MCTP2: variants seen among roughly 807,000 people sequenced by gnomAD.
MCTP2 encodes the protein multiple C2 and transmembrane domain-containing protein 2.
MCTP2 carries 132 observed loss-of-function variants against 111.6 expected under a neutral mutation model. The observed-to-expected ratio is 1.18, with a 90% confidence interval of 1.03 to 1.37. The LOEUF is 1.37. Among genes scored for constraint, MCTP2 ranks in the 40% most tolerant of loss-of-function variants. The pLI is 0.00. For synonymous variants in MCTP2, 395 were observed against 387.7 expected (o/e 1.02, Z -0.22); for missense variants, 1,183 against 1,067.9 (o/e 1.11, Z -1.50).
chr15:94,480,022 A>G lies in MCTP2; in HGVS notation c.*988A>G, dbSNP rs1268795469. The G allele has an allele frequency of 3.3e-5, 5 of 152,202 alleles. No homozygotes were observed. The highest frequency in any genetic ancestry group is 7.3e-5 in the Non-Finnish European group (5 of 68,034). The allele number at this position is 152,202 out of a possible 1,614,324, so 9.4% of individuals were successfully genotyped here. A position where few individuals can be genotyped will look rare whatever the true frequency, so the allele number is the denominator to read the frequency against. On this transcript the variant is annotated 3_prime_UTR_variant, in exon 23 of 23. Coordinates refer to ENST00000357742, the MANE Select transcript of MCTP2 (RefSeq NM_001385001.1). ...TGTATCTTTTGTTCCTCTTAGAAGT[A>G]AAATAAGCTACATACAATAAAAATT... is the stretch of plus-strand genomic sequence containing the variant.
chr15:94,268,609 C>T (rs117803235), intron 1 of MCTP2, among the ~76,000 whole-genome samples: 1,652 of 152,164 alleles, frequency 0.011, 19 homozygotes, highest in Non-Finnish European at 0.016. Flanking sequence ...ATGTGATTAA[C>T]ACCTCATTAA....
At chr15:94,310,539 T>A (rs771385177) in intron 2 of MCTP2, among the ~76,000 whole-genome samples, 20 of 152,160 alleles carry the variant, frequency 1.3e-4, no homozygotes, top group Non-Finnish European at 2.5e-4. Context: ...GTAATTCTAG[T>A]GCTTTGTGGG....
intron 17 of MCTP2, among the ~76,000 whole-genome samples, chr15:94,415,496 A>G (rs1039780755): frequency 1.3e-5 from 2 of 152,150 alleles, no homozygotes; most frequent in Admixed American, 1.3e-4. Context: ...CCAAGGCTTC[A>G]CTTTGACTTT....
chr15:94,286,558 A>G (rs2074765736), intron 1 of MCTP2, among the ~76,000 whole-genome samples: 1 of 152,202 alleles, frequency 6.6e-6, no homozygotes, highest in South Asian at 2.1e-4. Flanking sequence ...TTTGAGAAAC[A>G]ATCCGAGTCA....
chr15:94,251,741 CTCT>C (rs1445887424), intron 1 of MCTP2, among the ~76,000 whole-genome samples: 1 of 152,154 alleles, frequency 6.6e-6, no homozygotes, highest in African/African-American at 2.4e-5. Context: ...GTCTCCTGAA[CTCT>C]TCATTTTGTG....
intron 20 of MCTP2, among the ~76,000 whole-genome samples, chr15:94,466,036 G>GTCC (rs1475844853): frequency 2.6e-5 from 4 of 152,028 alleles, no homozygotes; most frequent in Non-Finnish European, 5.9e-5. Flanking sequence ...TTAAAATCCT[G>GTCC]TCCAATTCAT....
chr15:94,245,406 A>G (rs376259665), intron 1 of MCTP2, among the ~76,000 whole-genome samples: 14 of 52,328 alleles, frequency 2.7e-4, no homozygotes, highest in African/African-American at 3.9e-4. Context: ...ATGTGTGTAT[A>G]TATTTATATA....
chr15:94,248,816 C>G lies in MCTP2; in HGVS notation c.-66+17152C>G, dbSNP rs1292382703. Among the ~76,000 whole-genome samples, 12 of 152,146 alleles carry G rather than the reference C, an allele frequency of 7.9e-5. No individual in the cohort carries two copies. In the South Asian group the frequency reaches 1.2e-3, roughly 16 times the overall value. Reference sequence around the variant, plus strand: ...AATCAAGAACCCTTCCTGCTCAGTCCGTGGAAACTTACCCAGTGGTGTAAA... The same window carrying G: ...AATCAAGAACCCTTCCTGCTCAGTCGGTGGAAACTTACCCAGTGGTGTAAA... On this transcript the variant is annotated intron_variant, in intron 1 of 22. Transcript: ENST00000357742.
chr15:94,370,983 C>T (rs2079453278), intron 12 of MCTP2, among the ~76,000 whole-genome samples: 1 of 152,036 alleles, frequency 6.6e-6, no homozygotes, highest in African/African-American at 2.4e-5. Flanking sequence ...CTTTTTCTTC[C>T]TTTCAGACAG....
intron 17 of MCTP2, among the ~76,000 whole-genome samples, chr15:94,423,639 G>T (rs1021287941): frequency 6.6e-6 from 1 of 152,156 alleles, no homozygotes; most frequent in Non-Finnish European, 1.5e-5. Flanking sequence ...AAGGCAAAAT[G>T]GGGGCTTGAA....
At chr15:94,303,551 A>G (rs772731757) in intron 2 of MCTP2, among the ~76,000 whole-genome samples, 1 of 152,166 alleles carries the variant, frequency 6.6e-6, no homozygotes, top group Non-Finnish European at 1.5e-5. Context: ...GTTGACATTC[A>G]GTATTAACTA....
At chr15:94,280,117 G>A (rs1399015099) in intron 1 of MCTP2, among the ~76,000 whole-genome samples, 1 of 152,018 alleles carries the variant, frequency 6.6e-6, no homozygotes, top group African/African-American at 2.4e-5. Context: ...AATGAGTTAG[G>A]GAGGAATCAC....
intron 17 of MCTP2, among the ~76,000 whole-genome samples, chr15:94,420,537 GT>G (rs1372051177): frequency 1.3e-5 from 2 of 152,150 alleles, no homozygotes; most frequent in Admixed American, 1.3e-4. Flanking sequence ...ATTAACACGA[GT>G]TTAGAAGGAG....
In MCTP2 at chr15:94,298,604, C is replaced by T. The variant is rs756701517; in HGVS notation, c.339C>T (p.Leu113=). 1 of 1,614,072 alleles carries T rather than the reference C, an allele frequency of 6.2e-7. No homozygotes were observed. The highest frequency in any genetic ancestry group is 8.5e-7 in the Non-Finnish European group (1 of 1,179,998). ...GGAGCCAGGAAGAAGCCAGTCACCT[C>T]CATGTGGTGGAAACAGACTCAGAGG... The part of the protein sequence containing the change: ...LDWSQEEASH[L]HVVETDSEEA... Residue 113 remains leucine (L), a synonymous_variant, in exon 2 of 23, where the codon CTC becomes CTT. Coordinates refer to ENST00000357742, the MANE Select transcript of MCTP2 (RefSeq NM_001385001.1).
chr15:94,250,919 C>T (rs138608941), intron 1 of MCTP2, among the ~76,000 whole-genome samples: 2 of 152,246 alleles, frequency 1.3e-5, no homozygotes, highest in African/African-American at 4.8e-5. Context: ...TCCTCATAGT[C>T]AAGTTTAAGA....
At chr15:94,401,623 C>T (rs2081593608) in intron 16 of MCTP2, among the ~76,000 whole-genome samples, 1 of 152,182 alleles carries the variant, frequency 6.6e-6, no homozygotes, top group South Asian at 2.1e-4. Flanking sequence ...TACCTGGCTT[C>T]TGCAGTTTCA....
In MCTP2 at chr15:94,345,168, AAT is replaced by A. The variant is rs866423564; in HGVS notation, c.1005+8_1005+9del. On this transcript the variant is annotated splice_donor_5th_base_variant and intron_variant, in intron 8 of 22. Transcript: ENST00000357742. ...GAAGCGATTAAGTGCCAGCAAGGTA[AAT>A]ATACTTTTTTTTCCTTTAGATCATT... 1 of 1,611,540 alleles carries A rather than the reference AAT, an allele frequency of 6.2e-7. No homozygotes were observed. Among genetic ancestry groups the A allele is most frequent in the African/African-American group, 1.3e-5 (1 of 74,860 alleles).
intron 9 of MCTP2, among the ~76,000 whole-genome samples, chr15:94,356,650 C>T (rs1168800567): frequency 6.6e-6 from 1 of 152,010 alleles, no homozygotes; most frequent in Non-Finnish European, 1.5e-5. Flanking sequence ...AATAGAATAG[C>T]ATAATACGTG....
intron 21 of MCTP2, among the ~76,000 whole-genome samples, chr15:94,473,618 T>C (rs535353111): frequency 3.2e-4 from 48 of 152,238 alleles, no homozygotes; most frequent in Non-Finnish European, 6.5e-4. Flanking sequence ...TTTTCACTTC[T>C]AGTTGAAACC....
Sources: gnomAD v4.1 joint callset for allele counts (sites outside exome capture counted in the v4.1 genomes callset) on GRCh38, gnomAD v4.1.1 for gene constraint, MANE v1.5 for transcripts, NCBI Gene and HGNC (gene_info 2026-07-23, HGNC 2026-07-21) for gene names.